SSBP2: variants seen among roughly 807,000 people sequenced by gnomAD.
SSBP2 encodes single stranded DNA binding protein 2.
In SSBP2, 17 loss-of-function variants were observed where a neutral mutation model predicts 61.8. The observed-to-expected ratio is 0.28, with a 90% CI of 0.19 to 0.41. The LOEUF (loss-of-function observed/expected upper bound fraction) is 0.41, where lower values mean the gene tolerates loss of function less well. SSBP2 is among the 10% of genes least tolerant of loss of function. SSBP2 has a pLI of 1.00. For synonymous variants in SSBP2, 139 were observed against 141.3 expected (o/e 0.98, Z 0.12); for missense variants, 310 against 458.7 (o/e 0.68, Z 2.96).
At chr5:81,451,439 T>G (rs1358085849) in intron 10 of SSBP2, among the ~76,000 whole-genome samples, 1 of 152,212 alleles carries the variant, frequency 6.6e-6, no homozygotes, top group East Asian at 1.9e-4. Flanking sequence ...ATTTATTTAT[T>G]TTTTGAGATG....
intron 10 of SSBP2, among the ~76,000 whole-genome samples, chr5:81,453,827 A>G (rs1763948463): frequency 1.3e-5 from 2 of 152,220 alleles, no homozygotes; most frequent in South Asian, 2.1e-4. Flanking sequence ...AGTAAATAAA[A>G]AAGTAATAAA....
intron 1 of SSBP2, among the ~76,000 whole-genome samples, chr5:81,712,728 G>GTTTTTT (rs34642922): frequency 7.0e-6 from 1 of 142,238 alleles, no homozygotes; most frequent in African/African-American, 2.6e-5. Context: ...TTGTTTCTTT[G>GTTTTTT]TTTTTTTTTT....
rs1408126675 is a variant in SSBP2 at position 81,689,625 on chromosome 5, TGAA to T, written c.63-39289_63-39287del. ...ATCCAGCAAAAATATCCTTCAAACA[TGAA>T]GAAGAAATAAAAACTTTCCCAAAAA... On this transcript the variant is annotated intron_variant, in intron 1 of 16. Coordinates refer to ENST00000320672, the MANE Select transcript of SSBP2 (RefSeq NM_012446.5). Among the ~76,000 whole-genome samples, 6 of 150,436 alleles carry T rather than the reference TGAA, an allele frequency of 4.0e-5. 1 individual carries two copies. The South Asian group carries it at 1.3e-3, about 31-fold the overall frequency.
rs201193989 is a variant in SSBP2, at chr5:81,638,621, A to ATG, written c.136-2004_136-2003insCA. On this transcript the variant is annotated intron_variant, in intron 2 of 16. Coordinates refer to ENST00000320672, the MANE Select transcript of SSBP2 (RefSeq NM_012446.5). Reference sequence around the variant, plus strand: ...TTTTACCTAGGAGGGTATCCCTGTAAAAACTTTATTACATCATCATTGTCA... The same window carrying ATG: ...TTTTACCTAGGAGGGTATCCCTGTAATGAAACTTTATTACATCATCATTGTCA... Among the ~76,000 whole-genome samples the ATG allele has an allele frequency of 6.3e-3, 951 of 152,156 alleles. 5 individuals carry two copies. Among genetic ancestry groups the ATG allele is most frequent in the African/African-American group, 0.02 (831 of 41,524 alleles).
At chr5:81,474,433 A>G in intron 7 of SSBP2, 63 bp downstream of exon 7, 1 of 1,428,122 alleles carries the variant, frequency 7.0e-7, no homozygotes, top group Non-Finnish European at 9.9e-7. Context: ...ATTTTCCTTA[A>G]GAGATAAAAG....
chr5:81,482,575 G>A (rs1422676292), intron 6 of SSBP2, among the ~76,000 whole-genome samples: 6 of 152,226 alleles, frequency 3.9e-5, no homozygotes, highest in Admixed American at 1.3e-4. Flanking sequence ...TCTGCCCGCC[G>A]CCCTCAGGCT....
intron 1 of SSBP2, among the ~76,000 whole-genome samples, chr5:81,735,388 C>T (rs1756531004): frequency 6.6e-6 from 1 of 152,090 alleles, no homozygotes; most frequent in Non-Finnish European, 1.5e-5. Context: ...AGGGTCACCC[C>T]CCACCCACTG....
intron 4 of SSBP2, among the ~76,000 whole-genome samples, chr5:81,597,425 TCAAC>T (rs1323300280): frequency 4.6e-5 from 7 of 152,166 alleles, no homozygotes; most frequent in African/African-American, 1.7e-4. Flanking sequence ...GTAAACTAGT[TCAAC>T]CATTGTGGAA....
chr5:81,633,108 CTTTTTTTTTT>C (rs143423636), intron 3 of SSBP2, among the ~76,000 whole-genome samples: 2 of 64,830 alleles, frequency 3.1e-5, no homozygotes, highest in Admixed American at 2.3e-4. Flanking sequence ...GAGCCTCTGT[CTTTTTTTTTT>C]TTTTTTTTTT....
At chr5:81,474,089 T>C (rs1765431403) in intron 7 of SSBP2, among the ~76,000 whole-genome samples, 1 of 152,202 alleles carries the variant, frequency 6.6e-6, no homozygotes. Flanking sequence ...GATTTGGTTA[T>C]TGAGATTGTT....
At chr5:81,715,425 G>A (rs909952495) in intron 1 of SSBP2, among the ~76,000 whole-genome samples, 9 of 152,322 alleles carry the variant, frequency 5.9e-5, no homozygotes, top group Non-Finnish European at 1.2e-4. Flanking sequence ...AACAACCAGT[G>A]TAGATTAGAA....
intron 4 of SSBP2, among the ~76,000 whole-genome samples, chr5:81,609,522 C>T (rs1317522323): frequency 6.6e-6 from 1 of 152,176 alleles, no homozygotes; most frequent in Non-Finnish European, 1.5e-5. Context: ...TTTTATAAAT[C>T]TTTGCACCTC....
intron 1 of SSBP2, among the ~76,000 whole-genome samples, chr5:81,681,841 A>C (rs1436737700): frequency 6.6e-6 from 1 of 152,154 alleles, no homozygotes; most frequent in Non-Finnish European, 1.5e-5. Flanking sequence ...ACTGACAAAA[A>C]AAGAGAAGAC....
intron 1 of SSBP2, 123 bp from the exon 2 acceptor site, chr5:81,650,462 C>A: frequency 4.0e-6 from 2 of 504,094 alleles, no homozygotes; most frequent in Non-Finnish European, 3.4e-6. Context: ...AAACCCTTCC[C>A]ATACTATTTC....
At chr5:81,609,313 T>A (rs748661793) in intron 4 of SSBP2, among the ~76,000 whole-genome samples, 6 of 152,184 alleles carry the variant, frequency 3.9e-5, no homozygotes, top group Non-Finnish European at 7.4e-5. Flanking sequence ...TCCAACTTCA[T>A]CCAGTTTCTC....
At chr5:81,442,787 T>C (rs1469862342) in intron 12 of SSBP2, 64 bp from the exon 13 acceptor site, 5 of 854,210 alleles carry the variant, frequency 5.9e-6, no homozygotes, top group South Asian at 1.7e-5. Context: ...CATCACAAAG[T>C]AATGATCAAA....
At chr5:81,447,126 C>A (rs1348950549) in intron 11 of SSBP2, among the ~76,000 whole-genome samples, 1 of 152,102 alleles carries the variant, frequency 6.6e-6, no homozygotes, top group Non-Finnish European at 1.5e-5. Flanking sequence ...TGACAAATTT[C>A]CAAAAACAAT....
At chr5:81,635,140 A>C (rs1447773828) in intron 3 of SSBP2, among the ~76,000 whole-genome samples, 1 of 152,194 alleles carries the variant, frequency 6.6e-6, no homozygotes, top group Non-Finnish European at 1.5e-5. Context: ...CCTATGAATA[A>C]ATGAAACTTT....
chr5:81,513,655 T>A lies in SSBP2; in HGVS notation c.345A>T (p.Val115=), dbSNP rs1768788264. 2.5e-6 allele frequency: 4 copies of A among 1,612,700 alleles called. No individual in the cohort carries two copies. The South Asian group carries it at 4.4e-5, about 18-fold the overall frequency. The change falls in exon 5 of 17, where the codon GTA becomes GTT. Residue 115 remains valine (V), a synonymous_variant. Coordinates refer to ENST00000320672, the MANE Select transcript of SSBP2 (RefSeq NM_012446.5). ...GAAAGAACCCTGGTGGTACAGGACCTACTGGCATGCCATCTCCTGGGGGAA... is the reference window on the plus strand; with the variant it reads ...GAAAGAACCCTGGTGGTACAGGACCAACTGGCATGCCATCTCCTGGGGGAA...
Sources: gnomAD v4.1 joint callset for allele counts (sites outside exome capture counted in the v4.1 genomes callset) on GRCh38, gnomAD v4.1.1 for gene constraint, MANE v1.5 for transcripts, NCBI Gene and HGNC (gene_info 2026-07-23, HGNC 2026-07-21) for gene names.